The following SLC4A7 variants were observed in gnomAD, a reference collection of about 807,000 sequenced individuals.
The protein encoded by SLC4A7 is sodium bicarbonate cotransporter 3.
A neutral mutation model predicts 137.6 loss-of-function variants in SLC4A7; 51 were observed. The observed-to-expected ratio is 0.37, with a 90% CI of 0.30 to 0.47. SLC4A7 has a LOEUF of 0.47. SLC4A7 is among the 20% of genes least tolerant of loss of function. SLC4A7 has a pLI of 1.00. For synonymous variants in SLC4A7, 542 were observed against 518.6 expected (o/e 1.05, Z -0.61); for missense variants, 1,247 against 1,525.4 (o/e 0.82, Z 3.04).
chr3:27,414,576 C>A (rs1256016382), intron 11 of SLC4A7, among the ~76,000 whole-genome samples: 1 of 152,154 alleles, frequency 6.6e-6, no homozygotes, highest in East Asian at 1.9e-4. Context: ...CAGTACCAAT[C>A]CTTGTTTCCT....
Position 27,395,088 on chromosome 3 carries a change from T to C in SLC4A7, c.2731A>G (p.Ile911Val), listed in dbSNP as rs1251337414. 1.2e-5 allele frequency: 19 copies of C among 1,596,958 alleles called. No homozygotes were observed. Among genetic ancestry groups the C allele is most frequent in the Non-Finnish European group, 1.4e-5 (17 of 1,175,500 alleles). ...EPTHPERGWI[I>V]SPLGDNPWWT... ...CAAGGATTATCTCCCAGTGGGCTTA[T>C]GATCCACCCTCTCTCTGGATGAGTA... The change falls in exon 19 of 26, where the codon ATA becomes GTA. Residue 911 changes from isoleucine to valine, a missense_variant. Transcript: ENST00000454389.
chr3:27,416,080 T>C (rs1422528308), intron 11 of SLC4A7, among the ~76,000 whole-genome samples: 1 of 152,214 alleles, frequency 6.6e-6, no homozygotes, highest in Non-Finnish European at 1.5e-5. Flanking sequence ...GGACTTCCTA[T>C]GAGTCCCATG....
chr3:27,447,276 GCTAAGATGGTTATATATTAAAAATA>G (rs1559792848), intron 3 of SLC4A7, among the ~76,000 whole-genome samples: 1 of 151,984 alleles, frequency 6.6e-6, no homozygotes, highest in East Asian at 1.9e-4. Flanking sequence ...TTTTTAAAAT[GCTAAGATGGTTATATATTAAAAATA>G]CTAAGATGGT....
intron 1 of SLC4A7, among the ~76,000 whole-genome samples, chr3:27,471,136 C>T (rs2150703585): frequency 6.6e-6 from 1 of 152,234 alleles, no homozygotes; most frequent in Admixed American, 6.5e-5. Context: ...ATATATGCCC[C>T]TACTATTTGC....
chr3:27,412,019 C>T (rs1033065780), intron 11 of SLC4A7, among the ~76,000 whole-genome samples: 31 of 152,060 alleles, frequency 2.0e-4, no homozygotes, highest in Admixed American at 7.9e-4. Context: ...TATATTCATA[C>T]ATACCATTTC....
intron 1 of SLC4A7, among the ~76,000 whole-genome samples, chr3:27,478,324 C>T (rs2059553200): frequency 6.6e-6 from 1 of 151,902 alleles, no homozygotes; most frequent in Non-Finnish European, 1.5e-5. Flanking sequence ...TCGAGACCAG[C>T]CTGGCCAACA....
chr3:27,463,409 G>A (rs2058803433), intron 1 of SLC4A7, among the ~76,000 whole-genome samples: 1 of 151,170 alleles, frequency 6.6e-6, no homozygotes, highest in African/African-American at 2.4e-5. Flanking sequence ...CAGCCTCGGC[G>A]ACAGAGCGAG....
At chr3:27,407,918 C>T (rs530813325) in intron 13 of SLC4A7, among the ~76,000 whole-genome samples, 3 of 152,288 alleles carry the variant, frequency 2.0e-5, no homozygotes, top group South Asian at 2.1e-4. Context: ...CACCACTCTA[C>T]ACACTCTGGG....
intron 22 of SLC4A7, among the ~76,000 whole-genome samples, chr3:27,386,956 A>G (rs1028837101): frequency 1.3e-5 from 2 of 152,202 alleles, no homozygotes; most frequent in African/African-American, 4.8e-5. Context: ...TCTCCCATAC[A>G]AAAGAAATAC....
chr3:27,478,235 G>A (rs895818960), intron 1 of SLC4A7, among the ~76,000 whole-genome samples: 7 of 151,916 alleles, frequency 4.6e-5, no homozygotes, highest in Non-Finnish European at 7.4e-5. Flanking sequence ...ACATTAAAGC[G>A]GGCAGGGTGC....
At position 27,390,089 on chromosome 3, in the gene SLC4A7, T is replaced by G; in HGVS notation, c.3202A>C (p.Lys1068Gln). ...LKGIQLFDRI[K>Q]LFGMPAKHQP... is the part of the protein sequence containing the mutation. ...TGCTTAGCAGGCATTCCAAATAATT[T>G]TATACGGTCAAATAACTACATATAG... The change falls in exon 22 of 26, where the codon AAA becomes CAA. Residue 1068 changes from lysine (K) to glutamine (Q), a missense_variant. Physicochemically the swap from Lys to Gln is moderately conservative, Grantham distance 53. Transcript: ENST00000454389. The G allele has an allele frequency of 6.3e-7, 1 of 1,597,874 alleles. No individual in the cohort carries two copies. Among genetic ancestry groups the G allele is most frequent in the Non-Finnish European group, 8.6e-7 (1 of 1,167,520 alleles).
rs752651940 is a variant in SLC4A7 at position 27,418,570 on chromosome 3, T to C, written c.1575A>G (p.Glu525=). 2 of 1,604,672 alleles carry C rather than the reference T, an allele frequency of 1.2e-6. No individual in the cohort carries two copies. The change falls in exon 11 of 26, where the codon GAA becomes GAG. Residue 525 remains glutamate, a synonymous_variant. Coordinates refer to ENST00000454389, the MANE Select transcript of SLC4A7 (RefSeq NM_001321103.2). ...GTAGGACAGTTACTTGATCTAAAAATTCATCAATTCCAGATAAGAGGTCAT... is the reference window on the plus strand; with the variant it reads ...GTAGGACAGTTACTTGATCTAAAAACTCATCAATTCCAGATAAGAGGTCAT... ...DRNDLLSGID[E]FLDQVTVLPP...
At chr3:27,462,958 A>G (rs1437506667) in intron 1 of SLC4A7, 2 of 152,320 alleles carry the variant, frequency 1.3e-5, no homozygotes, top group African/African-American at 4.8e-5. Flanking sequence ...ACGAGTTACA[A>G]TTACAAAGTC....
chr3:27,450,479 C>G (rs1012285926), intron 2 of SLC4A7, among the ~76,000 whole-genome samples: 3 of 151,858 alleles, frequency 2.0e-5, no homozygotes, highest in Admixed American at 6.6e-5. Context: ...TAAAAAAACT[C>G]AATTTTATTT....
At chr3:27,461,855 G>A (rs530936401) in intron 1 of SLC4A7, among the ~76,000 whole-genome samples, 126 of 151,510 alleles carry the variant, frequency 8.3e-4, no homozygotes, top group African/African-American at 2.9e-3. Flanking sequence ...CTGGCTACAC[G>A]AGAGGCTGAA....
intron 11 of SLC4A7, 35 bp from the exon 12 acceptor site, chr3:27,411,783 T>G (rs775550238): frequency 1.6e-6 from 2 of 1,253,188 alleles, no homozygotes; most frequent in East Asian, 5.3e-5. Flanking sequence ...TTCAGAATTC[T>G]ATTTTAAGAA....
At chr3:27,425,828 T>C (rs1038139810) in intron 7 of SLC4A7, among the ~76,000 whole-genome samples, 3 of 152,014 alleles carry the variant, frequency 2.0e-5, no homozygotes, top group Non-Finnish European at 4.4e-5. Flanking sequence ...AGTGCAAGAA[T>C]ATAGACTAAT....
chr3:27,482,697 GGGA>G (rs371486973), intron 1 of SLC4A7, among the ~76,000 whole-genome samples: 1 of 152,036 alleles, frequency 6.6e-6, no homozygotes, highest in African/African-American at 2.4e-5. Context: ...GGTTGAACCT[GGGA>G]GGAGGAGGTT....
At chr3:27,443,746 G>C (rs2057393877) in intron 3 of SLC4A7, among the ~76,000 whole-genome samples, 1 of 152,100 alleles carries the variant, frequency 6.6e-6, no homozygotes, top group African/African-American at 2.4e-5. Flanking sequence ...GTACATACCA[G>C]AACTGTCCTT....
Sources: allele counts gnomAD v4.1 joint callset (sites outside exome capture counted in the v4.1 genomes callset), GRCh38; gene constraint gnomAD v4.1.1; transcripts MANE v1.5; gene names NCBI Gene and HGNC (gene_info 2026-07-23, HGNC 2026-07-21).